NLGN1: variants seen among roughly 807,000 people sequenced by gnomAD.
The protein encoded by NLGN1 is neuroligin-1.
NLGN1 carries 12 observed loss-of-function variants against 65.5 expected under a neutral mutation model. That is an observed-to-expected ratio of 0.18 (90% CI 0.12 to 0.30). NLGN1 has a LOEUF of 0.30. Ranked by LOEUF, NLGN1 falls within the 10% of genes least tolerant of loss-of-function variation. The pLI, the probability that NLGN1 is intolerant of heterozygous loss-of-function variation, is 1.00. For missense variants in NLGN1, 750 were observed against 1,007.1 expected, an observed-to-expected ratio of 0.74 and a Z score of 3.46; for synonymous variants, 350 against 359.5, an observed-to-expected ratio of 0.97 and a Z score of 0.30.
At chr3:173,843,995 G>T (rs1725288985) in intron 4 of NLGN1, among the ~76,000 whole-genome samples, 1 of 152,152 alleles carries the variant, frequency 6.6e-6, no homozygotes, top group South Asian at 2.1e-4. Context: ...ACATGGCTGG[G>T]GAGGCCTCAC....
At chr3:174,168,597 GC>G (rs1393136557) in intron 4 of NLGN1, among the ~76,000 whole-genome samples, 4 of 152,206 alleles carry the variant, frequency 2.6e-5, no homozygotes, top group African/African-American at 9.6e-5. Context: ...GTAAGAGCTG[GC>G]TGCAGCCAAT....
At chr3:173,636,329 C>T (rs759801404) in intron 3 of NLGN1, among the ~76,000 whole-genome samples, 13 of 151,884 alleles carry the variant, frequency 8.6e-5, no homozygotes, top group Non-Finnish European at 1.5e-4. Flanking sequence ...TATCAACAGA[C>T]GTTTTCACTG....
At chr3:173,692,853 A>G (rs1379884657) in intron 3 of NLGN1, among the ~76,000 whole-genome samples, 1 of 152,128 alleles carries the variant, frequency 6.6e-6, no homozygotes, top group African/African-American at 2.4e-5. Context: ...ATTGGAAAGA[A>G]CACTGATGGA....
chr3:173,451,753 G>T (rs900432565), intron 2 of NLGN1, among the ~76,000 whole-genome samples: 2 of 152,206 alleles, frequency 1.3e-5, no homozygotes, highest in East Asian at 1.9e-4. Flanking sequence ...TCAAGCCTGG[G>T]TAATGGCGGG....
At chr3:173,461,708 A>G (rs1295668348) in intron 2 of NLGN1, among the ~76,000 whole-genome samples, 3 of 152,154 alleles carry the variant, frequency 2.0e-5, no homozygotes, top group African/African-American at 2.4e-5. Context: ...AAGAAACTAG[A>G]AAGATTATCT....
chr3:174,053,132 C>T (rs1735290493), intron 4 of NLGN1, among the ~76,000 whole-genome samples: 1 of 151,838 alleles, frequency 6.6e-6, no homozygotes, highest in Admixed American at 6.6e-5. Context: ...GAAGAAAGTA[C>T]CCCCAAAATG....
chr3:173,501,455 A>G (rs1357142304), intron 2 of NLGN1, among the ~76,000 whole-genome samples: 1 of 152,114 alleles, frequency 6.6e-6, no homozygotes, highest in African/African-American at 2.4e-5. Flanking sequence ...TTGATAAGCA[A>G]ACATCTAAAT....
intron 4 of NLGN1, among the ~76,000 whole-genome samples, chr3:174,154,258 A>G (rs1406433805): frequency 6.8e-6 from 1 of 146,380 alleles, no homozygotes; most frequent in Non-Finnish European, 1.5e-5. Context: ...GAACTTCAAT[A>G]CCAGATTTTT....
intron 2 of NLGN1, among the ~76,000 whole-genome samples, chr3:173,469,190 G>T (rs1365582805): frequency 6.6e-6 from 1 of 151,970 alleles, no homozygotes; most frequent in Admixed American, 6.6e-5. Flanking sequence ...CTGGTAAAAT[G>T]AATTTTTTCA....
At chr3:173,786,747 A>G (rs1163907855) in intron 3 of NLGN1, among the ~76,000 whole-genome samples, 2 of 152,180 alleles carry the variant, frequency 1.3e-5, no homozygotes, top group Non-Finnish European at 2.9e-5. Flanking sequence ...ATACATTCAT[A>G]TTCAAAGGAA....
Position 173,494,688 on chromosome 3 carries a change from TG to T in NLGN1, c.-321+59611del, listed in dbSNP as rs1729720858. On this transcript the variant is annotated intron_variant, in intron 2 of 6. Transcript: ENST00000457714. ...AGATTTTGTGTTTAGATATATAGTT[TG>T]AATTATTTTTATGCATGATTTGAGG... Among the ~76,000 whole-genome samples, 2 of 151,836 alleles carry T rather than the reference TG, an allele frequency of 1.3e-5. 1 individual carries two copies. The highest frequency in any genetic ancestry group is 4.9e-5 in the African/African-American group (2 of 41,150).
chr3:174,103,600 A>T (rs969305973), intron 4 of NLGN1, among the ~76,000 whole-genome samples: 58 of 152,070 alleles, frequency 3.8e-4, no homozygotes, highest in Non-Finnish European at 1.0e-4. Flanking sequence ...AAGTAACATA[A>T]CTCAGCTGCA....
chr3:173,878,637 T>TAC (rs923602908), intron 4 of NLGN1, among the ~76,000 whole-genome samples: 10 of 149,348 alleles, frequency 6.7e-5, no homozygotes, highest in African/African-American at 2.5e-4. Context: ...TAAATATATA[T>TAC]ACTTATATAT....
rs1194667461 is a variant in NLGN1 at position 173,489,817 on chromosome 3, C to T, written c.-321+54739C>T. 1.2e-3 allele frequency among the ~76,000 whole-genome samples: 174 copies of T among 150,820 alleles called. 1 individual carries two copies. Among genetic ancestry groups the T allele is most frequent in the African/African-American group, 3.6e-3 (145 of 40,248 alleles). On this transcript the variant is annotated intron_variant, in intron 2 of 6. Coordinates refer to ENST00000457714, the Ensembl canonical transcript of NLGN1. The stretch of plus-strand genomic sequence containing the variant: ...TGGTATCTCATTGTGGTTTTGTTTT[C>T]CATTTCTCTGATGGCCAGTGATGAT...
intron 2 of NLGN1, among the ~76,000 whole-genome samples, chr3:173,534,012 G>A (rs1265797466): frequency 1.3e-5 from 2 of 151,968 alleles, no homozygotes; most frequent in African/African-American, 4.8e-5. Flanking sequence ...TTGGAACATG[G>A]GCTTTTTAGC....
chr3:174,205,106 A>G (rs1735158474), intron 4 of NLGN1, among the ~76,000 whole-genome samples: 1 of 152,180 alleles, frequency 6.6e-6, no homozygotes, highest in Admixed American at 6.5e-5. Context: ...ATGATTCAAA[A>G]TTTTAAAAAA....
At chr3:173,880,133 G>A (rs1732936260) in intron 4 of NLGN1, among the ~76,000 whole-genome samples, 1 of 151,898 alleles carries the variant, frequency 6.6e-6, no homozygotes. Context: ...ATAAATTTAG[G>A]TAAATACCTA....
chr3:173,714,716 G>T (rs1434170578), intron 3 of NLGN1, among the ~76,000 whole-genome samples: 1 of 152,118 alleles, frequency 6.6e-6, no homozygotes, highest in Non-Finnish European at 1.5e-5. Flanking sequence ...GTACATCAAA[G>T]CTTGAGGGAA....
chr3:174,138,231 A>G lies in NLGN1; in HGVS notation c.647-137084A>G, dbSNP rs138101290. On this transcript the variant is annotated intron_variant, in intron 4 of 6. Coordinates refer to ENST00000457714, the Ensembl canonical transcript of NLGN1. ...CAGTTATTTGAAATTTGGCATAGAAATTTAGTTCCCAATGTTTAAGGTCTC... is the reference window on the plus strand; with the variant it reads ...CAGTTATTTGAAATTTGGCATAGAAGTTTAGTTCCCAATGTTTAAGGTCTC... 2.0e-5 allele frequency among the ~76,000 whole-genome samples: 3 copies of G among 152,296 alleles called. No individual in the cohort carries two copies. In the East Asian group the frequency reaches 5.8e-4, roughly 29 times the overall value.
Sources: allele counts gnomAD v4.1 joint callset (sites outside exome capture counted in the v4.1 genomes callset), GRCh38; gene constraint gnomAD v4.1.1; transcripts MANE v1.5; gene names NCBI Gene and HGNC (gene_info 2026-07-23, HGNC 2026-07-21).